Variants in RB1 observed in about 807,000 individuals in gnomAD.
RB1 encodes the protein retinoblastoma-associated protein.
In RB1, 18 loss-of-function variants were observed where a neutral mutation model predicts 135.4. The observed-to-expected ratio is 0.13, with a 90% CI of 0.09 to 0.20. RB1 has a LOEUF of 0.20. Among genes scored for constraint, RB1 ranks in the 10% least tolerant of loss-of-function variants. The probability of loss-of-function intolerance (pLI) is 1.00; values close to 1 mark genes in which losing one functional copy is unlikely to be tolerated. For missense variants in RB1, 868 were observed against 1,110.0 expected (o/e 0.78, Z 3.10); for synonymous variants, 365 against 373.2 (o/e 0.98, Z 0.25).
chr13:48,369,174 T>C (rs998169046), intron 11 of RB1, among the ~76,000 whole-genome samples: 2 of 152,214 alleles, frequency 1.3e-5, no homozygotes, highest in East Asian at 1.9e-4. Flanking sequence ...CACTATTTGA[T>C]CTGCATGCAA....
At chr13:48,318,910 G>A in intron 2 of RB1, 1 of 1,173,400 alleles carries the variant, frequency 8.5e-7, no homozygotes, top group Non-Finnish European at 1.3e-6. Context: ...TGTCCACGGA[G>A]CTACTGTCGC....
chr13:48,370,587 A>T (rs930003309), intron 11 of RB1, among the ~76,000 whole-genome samples: 1 of 152,210 alleles, frequency 6.6e-6, no homozygotes, highest in African/African-American at 2.4e-5. Context: ...ATGATATTAC[A>T]AAGGATGCAG....
At chr13:48,339,074 T>A (rs1220295618) in intron 2 of RB1, among the ~76,000 whole-genome samples, 1 of 152,182 alleles carries the variant, frequency 6.6e-6, no homozygotes, top group Non-Finnish European at 1.5e-5. Context: ...GTGGTGTTAG[T>A]CTGCCCCTAG....
chr13:48,330,850 A>G (rs1172425053), intron 2 of RB1, among the ~76,000 whole-genome samples: 1 of 152,244 alleles, frequency 6.6e-6, no homozygotes, highest in Non-Finnish European at 1.5e-5. Flanking sequence ...ATCACAAGAA[A>G]AGAAGATTAT....
chr13:48,330,225 A>G (rs1409546219), intron 2 of RB1, among the ~76,000 whole-genome samples: 1 of 152,148 alleles, frequency 6.6e-6, no homozygotes, highest in African/African-American at 2.4e-5. Context: ...TGAAGGAAAC[A>G]GTAGGACCCC....
At chr13:48,357,147 A>G (rs1952599657) in intron 6 of RB1, among the ~76,000 whole-genome samples, 1 of 151,724 alleles carries the variant, frequency 6.6e-6, no homozygotes, top group Non-Finnish European at 1.5e-5. Flanking sequence ...TTCATTTTAG[A>G]AAATCTTAAC....
intron 17 of RB1, among the ~76,000 whole-genome samples, chr13:48,384,055 C>T (rs1948555476): frequency 6.6e-6 from 1 of 152,050 alleles, no homozygotes; most frequent in South Asian, 2.1e-4. Context: ...ATTGTTTGTA[C>T]TCAAGCCTGT....
At chr13:48,392,766 C>CT (rs905699358) in intron 17 of RB1, among the ~76,000 whole-genome samples, 17 of 107,926 alleles carry the variant, frequency 1.6e-4, no homozygotes, top group African/African-American at 4.4e-4. Flanking sequence ...CTCTCTCTCT[C>CT]TTTTTTTTAA....
chr13:48,324,068 T>A (rs1294785793), intron 2 of RB1, among the ~76,000 whole-genome samples: 3 of 152,112 alleles, frequency 2.0e-5, no homozygotes, highest in African/African-American at 7.2e-5. Context: ...TTTTTAATTA[T>A]TATGGAGACA....
intron 13 of RB1, 51 bp from the exon 14 acceptor site, chr13:48,379,543 T>G (rs1422036515): frequency 1.9e-6 from 3 of 1,582,868 alleles, no homozygotes; most frequent in Non-Finnish European, 2.6e-6. Flanking sequence ...ATTTCATAAT[T>G]GTGATTTTCT....
At chr13:48,431,890 T>C (rs1002916588) in intron 17 of RB1, among the ~76,000 whole-genome samples, 12 of 152,206 alleles carry the variant, frequency 7.9e-5, no homozygotes, top group Non-Finnish European at 1.8e-4. Flanking sequence ...AACTGATACT[T>C]ATTTTTTTTT....
intron 12 of RB1, 149 bp downstream of exon 12, chr13:48,373,641 A>G: frequency 1.7e-6 from 1 of 579,048 alleles, no homozygotes; most frequent in Middle Eastern, 4.7e-4. Context: ...TAATCTTACA[A>G]ATTATATATT....
chr13:48,455,545 TC>T (rs2138330018), intron 18 of RB1, among the ~76,000 whole-genome samples: 1 of 152,356 alleles, frequency 6.6e-6, no homozygotes, highest in African/African-American at 2.4e-5. Flanking sequence ...TACTTCCTGT[TC>T]TCTTTGTTCT....
intron 2 of RB1, chr13:48,317,174 T>G (rs1221898810): frequency 4.8e-6 from 3 of 625,678 alleles, no homozygotes; most frequent in Non-Finnish European, 7.2e-6. Flanking sequence ...ACGGGCCCTG[T>G]GGAGGCAGCC....
intron 17 of RB1, among the ~76,000 whole-genome samples, chr13:48,386,057 A>AC (rs1279829343): frequency 6.6e-6 from 1 of 150,504 alleles, no homozygotes. Context: ...AAAAAAAAAA[A>AC]AGCTAGGTGT....
intron 2 of RB1, chr13:48,341,342 G>A (rs1952441213): frequency 1.3e-5 from 2 of 150,938 alleles, no homozygotes; most frequent in Admixed American, 1.3e-4. Context: ...TTTATATTTG[G>A]GTTGTTTGTA....
At chr13:48,365,728 C>G (rs1193589116) in intron 9 of RB1, among the ~76,000 whole-genome samples, 2 of 152,024 alleles carry the variant, frequency 1.3e-5, no homozygotes, top group Non-Finnish European at 2.9e-5. Flanking sequence ...TTTATTAATT[C>G]AACAAATATT....
chr13:48,377,630 C>T (rs1257063763), intron 13 of RB1, among the ~76,000 whole-genome samples: 1 of 152,128 alleles, frequency 6.6e-6, no homozygotes, highest in African/African-American at 2.4e-5. Context: ...CCACTGTACA[C>T]ATTTATTTCA....
intron 11 of RB1, 85 bp downstream of exon 11, chr13:48,368,689 G>A: frequency 1.3e-6 from 2 of 1,527,028 alleles, no homozygotes; most frequent in Non-Finnish European, 1.8e-6. Flanking sequence ...GTTTCTTTAT[G>A]TATTCATACA....
Sources: allele counts gnomAD v4.1 joint callset (sites outside exome capture counted in the v4.1 genomes callset), GRCh38; gene constraint gnomAD v4.1.1; transcripts MANE v1.5; gene names NCBI Gene and HGNC (gene_info 2026-07-23, HGNC 2026-07-21).